The following MYO1H variants were observed in gnomAD, a reference collection of about 807,000 sequenced individuals.
The protein encoded by MYO1H is unconventional myosin-Ih.
A neutral mutation model predicts 149.3 loss-of-function variants in MYO1H; 118 were observed. That is an observed-to-expected ratio of 0.79 (90% CI 0.68 to 0.92). The LOEUF (loss-of-function observed/expected upper bound fraction) is 0.92. Among genes scored for constraint, MYO1H ranks in the 40% least tolerant of loss-of-function variants. The probability of loss-of-function intolerance (pLI) is 0.00; values close to 1 mark genes in which losing one functional copy is unlikely to be tolerated. For missense variants in MYO1H, 1,212 were observed against 1,280.7 expected (o/e 0.95, Z 0.82); for synonymous variants, 447 against 465.2 (o/e 0.96, Z 0.50).
intron 3 of MYO1H, among the ~76,000 whole-genome samples, chr12:109,394,131 C>T (rs1260011660): frequency 6.6e-6 from 1 of 152,176 alleles, no homozygotes; most frequent in African/African-American, 2.4e-5. Context: ...AATACATACT[C>T]GCCTGCAGTA....
At chr12:109,327,615 A>T in the MYO1H span, among the ~76,000 whole-genome samples, 2 of 151,494 alleles carry the variant, frequency 1.3e-5, no homozygotes, top group African/African-American at 4.8e-5. Flanking sequence ...GTGTGGTGGC[A>T]GGTGCCTGTG....
intron 5 of MYO1H, among the ~76,000 whole-genome samples, chr12:109,398,832 G>A (rs944788604): frequency 2.6e-5 from 4 of 151,110 alleles, no homozygotes; most frequent in Non-Finnish European, 4.4e-5. Flanking sequence ...ACTCTTTTTC[G>A]GATACAGCCA....
chr12:109,311,364 G>C, the MYO1H span, among the ~76,000 whole-genome samples: 1 of 152,252 alleles, frequency 6.6e-6, no homozygotes, highest in Non-Finnish European at 1.5e-5. Context: ...ACTGCTTCAG[G>C]CCTGGTTGGT....
At chr12:109,427,909 A>AAAATATAT (rs1555254298) in intron 19 of MYO1H, among the ~76,000 whole-genome samples, 2 of 16,422 alleles carry the variant, frequency 1.2e-4, no homozygotes, top group African/African-American at 3.1e-4. Flanking sequence ...AAAAAAAAAA[A>AAAATATAT]ATATATATAT....
At chr12:109,364,531 C>T (rs1325983191) in intron 1 of MYO1H, among the ~76,000 whole-genome samples, 2 of 152,058 alleles carry the variant, frequency 1.3e-5, no homozygotes, top group Non-Finnish European at 2.9e-5. Context: ...CTCCATATTG[C>T]CCAGGCTAGG....
intron 10 of MYO1H, among the ~76,000 whole-genome samples, chr12:109,408,545 G>A (rs1277039043): frequency 6.6e-6 from 1 of 151,980 alleles, no homozygotes; most frequent in East Asian, 1.9e-4. Context: ...ACATATTTAC[G>A]AAAAAATATA....
chr12:109,389,146 C>T (rs1869522506), intron 2 of MYO1H, among the ~76,000 whole-genome samples: 1 of 152,202 alleles, frequency 6.6e-6, no homozygotes, highest in South Asian at 2.1e-4. Flanking sequence ...AATCTCTGCT[C>T]TGCTTTCTTA....
chr12:109,444,176 T>G (rs770645968), intron 28 of MYO1H, 37 bp from the exon 29 acceptor site: 1 of 1,518,372 alleles, frequency 6.6e-7, no homozygotes, highest in Non-Finnish European at 9.2e-7. Flanking sequence ...TGTCAAGCTC[T>G]CTAGTTCTTG....
exon 32 of MYO1H, chr12:109,447,195 T>A (rs1052799641): frequency 6.3e-7 from 1 of 1,592,818 alleles, no homozygotes; most frequent in South Asian, 1.1e-5. Context: ...GAGGATGACG[T>A]CTGACCTCTA....
intron 15 of MYO1H, among the ~76,000 whole-genome samples, chr12:109,418,094 G>A (rs2135569526): frequency 6.6e-6 from 1 of 152,056 alleles, no homozygotes; most frequent in South Asian, 2.1e-4. Flanking sequence ...GGGATTACAG[G>A]TGTGAGCCAC....
chr12:109,332,417 C>G, the MYO1H span, among the ~76,000 whole-genome samples: 1 of 152,270 alleles, frequency 6.6e-6, no homozygotes, highest in South Asian at 2.1e-4. Context: ...CAGACACAAG[C>G]TCTTCTGGCC....
intron 1 of MYO1H, among the ~76,000 whole-genome samples, chr12:109,383,471 A>G (rs1869246251): frequency 2.6e-5 from 4 of 152,206 alleles, no homozygotes; most frequent in Non-Finnish European, 4.4e-5. Context: ...GAAGTTTCCC[A>G]TAACAGGAGT....
exon 21 of MYO1H, chr12:109,435,042 A>G: frequency 6.2e-7 from 1 of 1,606,790 alleles, no homozygotes. Context: ...TCTAGAACCA[A>G]AATATTCATT....
intron 7 of MYO1H, among the ~76,000 whole-genome samples, chr12:109,404,337 C>T (rs760525446): frequency 2.0e-5 from 3 of 152,136 alleles, no homozygotes; most frequent in Non-Finnish European, 4.4e-5. Flanking sequence ...CAAAAATTAA[C>T]CAGGCGCGGT....
Position 109,442,519 on chromosome 12 carries a change from T to C in MYO1H, c.2688+247T>C, listed in dbSNP as rs140258809. Among the ~76,000 whole-genome samples, 380 of 152,280 alleles carry C rather than the reference T, an allele frequency of 2.5e-3. 1 individual carries two copies. Among genetic ancestry groups the C allele is most frequent in the African/African-American group, 8.8e-3 (367 of 41,552 alleles). ...TGTCTTGGTTTGCTTTCCTACAAAATTGAATGAAGTGTAGCCATGAACTTA... is the reference window on the plus strand; with the variant it reads ...TGTCTTGGTTTGCTTTCCTACAAAACTGAATGAAGTGTAGCCATGAACTTA... On this transcript the variant is annotated intron_variant, in intron 27 of 31. Transcript: ENST00000310903.
the MYO1H span, among the ~76,000 whole-genome samples, chr12:109,326,506 TTATTTTATTTTATTTTATTTTA>T: frequency 1.0e-5 from 1 of 98,462 alleles, no homozygotes; most frequent in African/African-American, 4.2e-5. Context: ...TTATTTTATT[TTATTTTATTTTATTTTATTTTA>T]TTTTATTTTT....
intron 13 of MYO1H, 99 bp from the exon 14 acceptor site, chr12:109,411,795 T>C: frequency 1.3e-6 from 1 of 796,454 alleles, no homozygotes; most frequent in Non-Finnish European, 2.0e-6. Flanking sequence ...TTGACAGTCT[T>C]TTAGTCCAGT....
chr12:109,318,967 G>GT, the MYO1H span, among the ~76,000 whole-genome samples: 7,102 of 79,384 alleles, frequency 0.089, 476 homozygotes, highest in South Asian at 0.13. Flanking sequence ...TGCGTTTTTG[G>GT]TTTTGTTTTT....
At chr12:109,444,146 C>T (rs900153331) in intron 28 of MYO1H, 67 bp from the exon 29 acceptor site, 2 of 1,235,090 alleles carry the variant, frequency 1.6e-6, no homozygotes, top group African/African-American at 3.0e-5. Flanking sequence ...CTGGGCGTAT[C>T]TCTTCTTCCT....
Sources: gnomAD v4.1 joint callset for allele counts (sites outside exome capture counted in the v4.1 genomes callset) on GRCh38, gnomAD v4.1.1 for gene constraint, MANE v1.5 for transcripts, NCBI Gene and HGNC (gene_info 2026-07-23, HGNC 2026-07-21) for gene names.